PCBD2: variants seen among roughly 807,000 people sequenced by gnomAD.
PCBD2 encodes pterin-4 alpha-carbinolamine dehydratase 2.
In PCBD2, 12 loss-of-function variants were observed where a neutral mutation model predicts 16.4. The observed-to-expected ratio is 0.73, with a 90% CI of 0.47 to 1.19. The LOEUF (loss-of-function observed/expected upper bound fraction) is 1.19, where lower values mean the gene tolerates loss of function less well. Among genes scored for constraint, PCBD2 ranks in the 50% most tolerant of loss-of-function variants. The pLI is 0.00. For synonymous variants in PCBD2, 58 were observed against 61.8 expected, an observed-to-expected ratio of 0.94 and a Z score of 0.29; for missense variants, 138 against 156.8, an observed-to-expected ratio of 0.88 and a Z score of 0.64.
intron 2 of PCBD2, chr5:134,926,572 G>A (rs539587253): frequency 2.2e-4 from 89 of 395,922 alleles, no homozygotes; most frequent in African/African-American, 1.7e-3. Flanking sequence ...TGAGTTAGCA[G>A]TTCTTATGCG....
At position 134,960,753 on chromosome 5, in the gene PCBD2, A is replaced by G. The variant is rs1580897000; in HGVS notation, c.*72A>G. On this transcript the variant is annotated 3_prime_UTR_variant, in exon 4 of 4. Coordinates refer to ENST00000254908, the MANE Select transcript of PCBD2 (RefSeq NM_032151.5). ...TGTATGTTGAAGGAAATTTATGTGA[A>G]CAAATAGAGTTGTTCTTTTTCTCTT... is the stretch of plus-strand genomic sequence containing the variant. 2 of 1,216,892 alleles carry G rather than the reference A, an allele frequency of 1.6e-6. No homozygotes were observed. Among genetic ancestry groups the G allele is most frequent in the South Asian group, 1.3e-5 (1 of 79,612 alleles). 75.4% of individuals were successfully genotyped at this position (1,216,892 alleles called of 1,614,324 possible).
At chr5:134,907,378 A>T (rs562459708) in intron 1 of PCBD2, among the ~76,000 whole-genome samples, 1 of 150,858 alleles carries the variant, frequency 6.6e-6, no homozygotes, top group South Asian at 2.1e-4. Context: ...TGAGTAGCTG[A>T]GACTATAGGC....
chr5:134,958,988 G>C, intron 2 of PCBD2, 52 bp from the exon 3 acceptor site: 2 of 1,434,842 alleles, frequency 1.4e-6, no homozygotes, highest in South Asian at 1.2e-5. Context: ...TGTCTCTCAG[G>C]CTTAGGGTAG....
intron 3 of PCBD2, among the ~76,000 whole-genome samples, chr5:134,959,953 C>T (rs538069430): frequency 6.9e-5 from 9 of 131,364 alleles, no homozygotes; most frequent in South Asian, 2.4e-4. Flanking sequence ...TGCAGTGCTG[C>T]GATCTCAGCT....
rs993714801 is a variant in PCBD2 at position 134,961,310 on chromosome 5, G to C, written c.*629G>C. The C allele has an allele frequency of 2.2e-4, 32 of 147,174 alleles. No homozygotes were observed. The highest frequency in any genetic ancestry group is 7.8e-4 in the African/African-American group (31 of 39,696). The allele number at this position is 147,174 out of a possible 1,614,324, so 9.1% of individuals were successfully genotyped here. ...AGTGGCTTTTTTTTTTTTTTGAGAC[G>C]GAGTCTTGCTCTGTCACCAGGCTGG... is the stretch of plus-strand genomic sequence containing the variant. On this transcript the variant is annotated 3_prime_UTR_variant, in exon 4 of 4. Transcript: ENST00000254908.
intron 2 of PCBD2, among the ~76,000 whole-genome samples, chr5:134,956,604 A>G (rs1485362009): frequency 6.6e-6 from 1 of 152,236 alleles, no homozygotes; most frequent in Non-Finnish European, 1.5e-5. Flanking sequence ...ATTTCTTGCC[A>G]TTAAGCTGCT....
At chr5:134,932,824 T>C (rs1751114796) in intron 2 of PCBD2, among the ~76,000 whole-genome samples, 1 of 152,108 alleles carries the variant, frequency 6.6e-6, no homozygotes, top group South Asian at 2.1e-4. Flanking sequence ...TATGTAAGCT[T>C]GTGGGTGAGT....
chr5:134,920,686 C>G (rs191965930), intron 2 of PCBD2, among the ~76,000 whole-genome samples: 2 of 150,542 alleles, frequency 1.3e-5, no homozygotes, highest in South Asian at 2.1e-4. Flanking sequence ...GACGGAGTCT[C>G]GCTCTGTCGG....
chr5:134,909,900 C>G (rs961715287), intron 1 of PCBD2, among the ~76,000 whole-genome samples: 2 of 152,202 alleles, frequency 1.3e-5, no homozygotes, highest in Admixed American at 6.5e-5. Flanking sequence ...GAAAATCCCT[C>G]TCTACCAAAA....
chr5:134,937,719 T>G (rs1751177173), intron 2 of PCBD2, among the ~76,000 whole-genome samples: 1 of 152,258 alleles, frequency 6.6e-6, no homozygotes, highest in Non-Finnish European at 1.5e-5. Flanking sequence ...GAATGGATTA[T>G]GGTGACACAG....
At position 134,962,099 on chromosome 5, in the gene PCBD2, T is replaced by C. The variant is rs950460798; in HGVS notation, c.*1418T>C. 4.2e-4 allele frequency among the ~76,000 whole-genome samples: 64 copies of C among 151,602 alleles called. 1 individual carries two copies. The highest frequency in any genetic ancestry group is 3.2e-4 in the Non-Finnish European group (22 of 67,932). ...GTGTGTGTGTGTGTGTGTGTGTGTG[T>C]GTGTGTGTTTGACACGGGGTCTCAT... On this transcript the variant is annotated 3_prime_UTR_variant, in exon 4 of 4. Coordinates refer to ENST00000254908, the MANE Select transcript of PCBD2 (RefSeq NM_032151.5).
intron 2 of PCBD2, among the ~76,000 whole-genome samples, chr5:134,943,849 A>T (rs554285378): frequency 2.0e-5 from 3 of 152,220 alleles, no homozygotes; most frequent in Non-Finnish European, 4.4e-5. Flanking sequence ...ACTGATCTTT[A>T]TGAGCAAAGA....
intron 3 of PCBD2, 127 bp from the exon 4 acceptor site, chr5:134,960,459 C>G: frequency 2.9e-6 from 2 of 681,528 alleles, no homozygotes; most frequent in South Asian, 2.1e-5. Context: ...GTAGTATTTT[C>G]TAAATCATTT....
intron 2 of PCBD2, chr5:134,923,332 T>G: frequency 6.2e-6 from 1 of 162,540 alleles, no homozygotes; most frequent in Non-Finnish European, 1.3e-5. Context: ...GTTAACGTCA[T>G]TAGGGTGAGA....
chr5:134,950,475 T>A (rs1751346931), intron 2 of PCBD2, among the ~76,000 whole-genome samples: 1 of 152,246 alleles, frequency 6.6e-6, no homozygotes, highest in South Asian at 2.1e-4. Context: ...AGGGTGCTGT[T>A]AAACATTTCA....
At chr5:134,940,172 A>G (rs1326868135) in intron 2 of PCBD2, among the ~76,000 whole-genome samples, 1 of 152,192 alleles carries the variant, frequency 6.6e-6, no homozygotes, top group African/African-American at 2.4e-5. Flanking sequence ...ATTTTCCATT[A>G]TACTCTGCAT....
Position 134,962,154 on chromosome 5 carries a change from C to T in PCBD2, c.*1473C>T, listed in dbSNP as rs916481614. 2.6e-5 allele frequency among the ~76,000 whole-genome samples: 4 copies of T among 151,322 alleles called. No homozygotes were observed. The highest frequency in any genetic ancestry group is 4.4e-5 in the Non-Finnish European group (3 of 67,914). On this transcript the variant is annotated 3_prime_UTR_variant, in exon 4 of 4. Transcript: ENST00000254908. Reference sequence around the variant, plus strand: ...TTGCCCAGGCAGTAGTGTAGTGGTGCGACCATGGCTCACTGTAGTCTTGAC... The same window carrying T: ...TTGCCCAGGCAGTAGTGTAGTGGTGTGACCATGGCTCACTGTAGTCTTGAC...
chr5:134,905,513 A>C, intron 1 of PCBD2: 2 of 306,836 alleles, frequency 6.5e-6, no homozygotes. Flanking sequence ...AGCAACTACA[A>C]AAGGCAGATG....
chr5:134,962,197 T>C lies in PCBD2; in HGVS notation c.*1516T>C, dbSNP rs746797310. 6.6e-6 allele frequency among the ~76,000 whole-genome samples: 1 copy of C among 151,986 alleles called. No individual in the cohort carries two copies. Among genetic ancestry groups the C allele is most frequent in the Non-Finnish European group, 1.5e-5 (1 of 67,986 alleles). ...GTCTTGACTTCTCAGGCTCAAGTGA[T>C]CCTCTCACCTCAGCCTCCTGAGTAG... On this transcript the variant is annotated 3_prime_UTR_variant, in exon 4 of 4. Coordinates refer to ENST00000254908, the MANE Select transcript of PCBD2 (RefSeq NM_032151.5).
Sources: gnomAD v4.1 joint callset for allele counts (sites outside exome capture counted in the v4.1 genomes callset) on GRCh38, gnomAD v4.1.1 for gene constraint, MANE v1.5 for transcripts, NCBI Gene and HGNC (gene_info 2026-07-23, HGNC 2026-07-21) for gene names.